CYP4X1: variants seen among roughly 807,000 people sequenced by gnomAD.
CYP4X1 encodes the protein cytochrome P450 4X1.
CYP4X1 carries 44 observed loss-of-function variants against 57.9 expected under a neutral mutation model. The ratio of observed to expected loss-of-function variants is 0.76; its 90% CI spans 0.60 to 0.98. CYP4X1 has a LOEUF of 0.98. CYP4X1 is among the 50% of genes least tolerant of loss of function. CYP4X1 has a pLI of 0.00. For missense variants in CYP4X1, 532 were observed against 623.9 expected, an observed-to-expected ratio of 0.85 and a Z score of 1.57; for synonymous variants, 227 against 228.6, an observed-to-expected ratio of 0.99 and a Z score of 0.06.
the CYP4X1 span, among the ~76,000 whole-genome samples, chr1:46,984,580 T>A: frequency 1.3e-5 from 2 of 151,934 alleles, no homozygotes; most frequent in East Asian, 3.9e-4. Flanking sequence ...GGATGGGGTG[T>A]CATCTCACCT....
chr1:47,003,871 G>A, the CYP4X1 span, among the ~76,000 whole-genome samples: 6 of 152,024 alleles, frequency 3.9e-5, no homozygotes, highest in Admixed American at 6.6e-5. Context: ...CACCGTCCCC[G>A]CCAAAAAATC....
chr1:47,002,137 A>G, the CYP4X1 span, among the ~76,000 whole-genome samples: 19,884 of 152,244 alleles, frequency 0.13, 3,473 homozygotes, highest in African/African-American at 0.4. Flanking sequence ...ATAAGGGAGC[A>G]ATGTGTCTGG....
chr1:47,009,163 T>G, the CYP4X1 span, among the ~76,000 whole-genome samples: 1 of 152,138 alleles, frequency 6.6e-6, no homozygotes, highest in African/African-American at 2.4e-5. Flanking sequence ...ACCACATAGT[T>G]GGCAGTAAAG....
the CYP4X1 span, among the ~76,000 whole-genome samples, chr1:46,983,147 G>A: frequency 1.3e-5 from 2 of 152,172 alleles, no homozygotes; most frequent in Non-Finnish European, 2.9e-5. Context: ...AAGCACTCAG[G>A]CTCTTTGTTC....
At chr1:46,992,950 A>G in the CYP4X1 span, among the ~76,000 whole-genome samples, 1 of 151,876 alleles carries the variant, frequency 6.6e-6, no homozygotes, top group Non-Finnish European at 1.5e-5. Flanking sequence ...TTTTTATTAC[A>G]CTTTAAGTTT....
At chr1:46,991,426 C>T in the CYP4X1 span, among the ~76,000 whole-genome samples, 1 of 152,168 alleles carries the variant, frequency 6.6e-6, no homozygotes, top group African/African-American at 2.4e-5. Context: ...AAGGGAATTC[C>T]ACGCTTACCT....
At chr1:47,038,456 CTA>C (rs1322653150) in intron 6 of CYP4X1, among the ~76,000 whole-genome samples, 1 of 152,128 alleles carries the variant, frequency 6.6e-6, no homozygotes. Flanking sequence ...CTGATGGAAA[CTA>C]TGTTTTTTAT....
chr1:46,985,503 G>A, the CYP4X1 span, among the ~76,000 whole-genome samples: 2 of 152,284 alleles, frequency 1.3e-5, no homozygotes, highest in African/African-American at 2.4e-5. Context: ...CCAGCACAGC[G>A]TTCGAGCTCT....
chr1:46,987,175 G>A, the CYP4X1 span, among the ~76,000 whole-genome samples: 9 of 152,066 alleles, frequency 5.9e-5, no homozygotes, highest in Non-Finnish European at 1.2e-4. Context: ...TAAATAAAGG[G>A]ATGGAGGAAT....
chr1:46,982,464 T>A, the CYP4X1 span, among the ~76,000 whole-genome samples: 1 of 152,326 alleles, frequency 6.6e-6, no homozygotes, highest in African/African-American at 2.4e-5. Flanking sequence ...ATTGCCAGAG[T>A]TCTTGCGTTG....
At chr1:47,020,931 T>C (rs1197592189), upstream of CYP4X1, among the ~76,000 whole-genome samples, 1 of 151,994 alleles carries the variant, frequency 6.6e-6, no homozygotes, top group East Asian at 1.9e-4. Context: ...CAGCTACTCA[T>C]TGGCCTTCAT....
intron 8 of CYP4X1, among the ~76,000 whole-genome samples, chr1:47,044,748 T>C (rs370325897): frequency 7.9e-5 from 12 of 152,238 alleles, no homozygotes; most frequent in Admixed American, 2.0e-4. Context: ...TTTTGAAATA[T>C]AACTTTTGTT....
the CYP4X1 span, among the ~76,000 whole-genome samples, chr1:46,995,979 G>A: frequency 4.6e-5 from 7 of 152,282 alleles, no homozygotes; most frequent in East Asian, 1.2e-3. Context: ...TAGAGTCATA[G>A]TGCCTGTCTG....
At chr1:46,967,830 C>T in the CYP4X1 span, 318 of 1,297,230 alleles carry the variant, frequency 2.5e-4, 5 homozygotes, top group South Asian at 7.0e-3. Flanking sequence ...CCATGGCCAC[C>T]TTTAGCTCAT....
intron 8 of CYP4X1, among the ~76,000 whole-genome samples, chr1:47,041,079 T>C (rs1321627831): frequency 6.6e-6 from 1 of 152,200 alleles, no homozygotes; most frequent in Non-Finnish European, 1.5e-5. Flanking sequence ...CTTAGCATAA[T>C]GTCATCCAAA....
At chr1:47,026,121 A>C (rs1418401168) in intron 1 of CYP4X1, among the ~76,000 whole-genome samples, 1 of 152,156 alleles carries the variant, frequency 6.6e-6, no homozygotes, top group Non-Finnish European at 1.5e-5. Context: ...GGAGGTAGGG[A>C]AGGTTAATGG....
chr1:46,994,165 C>A, the CYP4X1 span, among the ~76,000 whole-genome samples: 5 of 152,270 alleles, frequency 3.3e-5, no homozygotes, highest in Non-Finnish European at 7.4e-5. Context: ...CCAGTTTTCC[C>A]AGCACCATTT....
intron 8 of CYP4X1, among the ~76,000 whole-genome samples, chr1:47,045,908 T>C (rs1644295790): frequency 6.6e-6 from 1 of 152,190 alleles, no homozygotes; most frequent in African/African-American, 2.4e-5. Context: ...TGCACATCCT[T>C]GCCTTGCCTC....
the CYP4X1 span, among the ~76,000 whole-genome samples, chr1:47,016,173 T>C: frequency 2.0e-5 from 3 of 151,728 alleles, no homozygotes; most frequent in Non-Finnish European, 4.4e-5. Context: ...TAAATGTTTA[T>C]AAAACATTTA....
Sources: allele counts gnomAD v4.1 joint callset (sites outside exome capture counted in the v4.1 genomes callset), GRCh38; gene constraint gnomAD v4.1.1; transcripts MANE v1.5; gene names NCBI Gene and HGNC (gene_info 2026-07-23, HGNC 2026-07-21).